Variants in PRKG1 observed in about 807,000 individuals in gnomAD.
PRKG1 encodes the protein cGMP-dependent protein kinase 1.
A neutral mutation model predicts 88.1 loss-of-function variants in PRKG1; 35 were observed. That is an observed-to-expected ratio of 0.40 (90% confidence interval 0.30 to 0.53). PRKG1 has a LOEUF of 0.53. Among genes scored for constraint, PRKG1 ranks in the 20% least tolerant of loss-of-function variants. The pLI is 0.59. For synonymous variants in PRKG1, 303 were observed against 292.5 expected, an observed-to-expected ratio of 1.04 and a Z score of -0.37; for missense variants, 540 against 839.8, an observed-to-expected ratio of 0.64 and a Z score of 4.41.
intron 3 of PRKG1, among the ~76,000 whole-genome samples, chr10:51,508,320 T>C (rs1841288318): frequency 6.6e-6 from 1 of 152,186 alleles, no homozygotes; most frequent in African/African-American, 2.4e-5. Flanking sequence ...AATATACGCA[T>C]GGTCTGCCTT....
chr10:51,237,360 T>C (rs1839024721), intron 2 of PRKG1, among the ~76,000 whole-genome samples: 1 of 152,202 alleles, frequency 6.6e-6, no homozygotes, highest in Non-Finnish European at 1.5e-5. Context: ...TAGGGACACA[T>C]GCTCCGGGAA....
At chr10:51,016,302 T>A (rs888635030) in intron 1 of PRKG1, among the ~76,000 whole-genome samples, 4 of 152,210 alleles carry the variant, frequency 2.6e-5, no homozygotes, top group African/African-American at 9.6e-5. Flanking sequence ...ACCTGAAAGT[T>A]TTAAAGCTTA....
intron 1 of PRKG1, among the ~76,000 whole-genome samples, chr10:51,020,383 G>A (rs764747234): frequency 1.3e-5 from 2 of 152,080 alleles, no homozygotes; most frequent in Non-Finnish European, 2.9e-5. Flanking sequence ...CTATAAACAT[G>A]TCAACACGTC....
At position 51,006,814 on chromosome 10, in the gene PRKG1, A is replaced by C. The variant is rs1474968757; in HGVS notation, c.266+15170A>C. Reference sequence around the variant, plus strand: ...TTAGCTGTGCTAAGACCACCTCTGCAGCTATCTACTCTCTGAGCTGAATAA... The same window carrying C: ...TTAGCTGTGCTAAGACCACCTCTGCCGCTATCTACTCTCTGAGCTGAATAA... On this transcript the variant is annotated intron_variant, in intron 1 of 17. Coordinates refer to the PRKG1 transcript ENST00000401604. Among the ~76,000 whole-genome samples, 4 of 152,134 alleles carry C rather than the reference A, an allele frequency of 2.6e-5. No homozygotes were observed. In the East Asian group the frequency reaches 7.7e-4, roughly 29 times the overall value.
chr10:52,014,051 C>T (rs1844970200), intron 5 of PRKG1, among the ~76,000 whole-genome samples: 1 of 151,928 alleles, frequency 6.6e-6, no homozygotes, highest in South Asian at 2.1e-4. Context: ...TGAAATAATG[C>T]ATTACTAAAC....
chr10:52,213,459 G>T (rs970802970), intron 9 of PRKG1, among the ~76,000 whole-genome samples: 2 of 152,186 alleles, frequency 1.3e-5, no homozygotes, highest in Non-Finnish European at 1.5e-5. Flanking sequence ...AAAAGTCTTG[G>T]TGACCAACAT....
At chr10:51,951,174 T>G (rs1843175191) in intron 5 of PRKG1, among the ~76,000 whole-genome samples, 1 of 152,210 alleles carries the variant, frequency 6.6e-6, no homozygotes, top group Non-Finnish European at 1.5e-5. Context: ...TTCAGGCTGT[T>G]TTTTTTGGCT....
At chr10:51,798,086 G>A (rs150051515) in intron 3 of PRKG1, among the ~76,000 whole-genome samples, 82 of 152,064 alleles carry the variant, frequency 5.4e-4, no homozygotes, top group African/African-American at 1.8e-3. Flanking sequence ...TTCAGCTATT[G>A]TAAATAATGC....
intron 2 of PRKG1, among the ~76,000 whole-genome samples, chr10:51,288,950 A>G (rs1447445285): frequency 1.3e-5 from 2 of 152,168 alleles, no homozygotes; most frequent in Admixed American, 1.3e-4. Flanking sequence ...AAAATTATAT[A>G]TTAATTAATA....
intron 7 of PRKG1, among the ~76,000 whole-genome samples, chr10:52,129,782 T>C (rs1306113593): frequency 2.6e-5 from 4 of 152,194 alleles, no homozygotes; most frequent in Non-Finnish European, 5.9e-5. Flanking sequence ...TGGAAACCCA[T>C]AACTCTATTA....
At chr10:51,389,033 CT>C (rs1837328182) in intron 2 of PRKG1, among the ~76,000 whole-genome samples, 1 of 152,122 alleles carries the variant, frequency 6.6e-6, no homozygotes, top group South Asian at 2.1e-4. Context: ...CTAGGTAATG[CT>C]TCAGGGATGC....
chr10:51,568,736 T>C (rs1385166033), intron 3 of PRKG1: 1 of 145,058 alleles, frequency 6.9e-6, no homozygotes, highest in Non-Finnish European at 1.5e-5. Context: ...ATAAGAATTC[T>C]AAAAGCATCA....
intron 2 of PRKG1, among the ~76,000 whole-genome samples, chr10:51,294,707 GATT>G (rs1840672621): frequency 6.6e-6 from 1 of 152,040 alleles, no homozygotes; most frequent in Non-Finnish European, 1.5e-5. Flanking sequence ...ATACTGTTTT[GATT>G]ATTATAGCTT....
At chr10:51,459,583 A>C (rs1162497503) in intron 2 of PRKG1, among the ~76,000 whole-genome samples, 1 of 152,134 alleles carries the variant, frequency 6.6e-6, no homozygotes, top group Non-Finnish European at 1.5e-5. Context: ...GTATTATCTA[A>C]TTCAGTTATC....
At chr10:51,697,555 G>T in intron 3 of PRKG1, 1 of 837,186 alleles carries the variant, frequency 1.2e-6, no homozygotes, top group Non-Finnish European at 1.8e-6. Flanking sequence ...CAGAAAGAAA[G>T]AAAAAGAACA....
At chr10:51,255,167 A>G (rs1839524451) in intron 2 of PRKG1, among the ~76,000 whole-genome samples, 1 of 152,132 alleles carries the variant, frequency 6.6e-6, no homozygotes, top group Non-Finnish European at 1.5e-5. Context: ...TTTTAAGAAT[A>G]TAAATAATTT....
Position 52,289,061 on chromosome 10 carries a change from A to G in PRKG1, c.1895+68A>G, listed in dbSNP as rs1842181977. 4 of 1,452,288 alleles carry G rather than the reference A, an allele frequency of 2.8e-6. No individual in the cohort carries two copies. The African/African-American group carries it at 4.3e-5, about 16-fold the overall frequency. The allele number at this position is 1,452,288 out of a possible 1,614,324, so 90.0% of individuals were successfully genotyped here. A position where few individuals can be genotyped will look rare whatever the true frequency, so the allele number is the denominator to read the frequency against. On this transcript the variant is annotated intron_variant, in intron 16 of 17. Transcript: ENST00000373980. ...TCCCCAGGGTGTTGCTTTTTAAGTTATTGGTGTAAAACTAGTATAATTAGC... is the reference window on the plus strand; with the variant it reads ...TCCCCAGGGTGTTGCTTTTTAAGTTGTTGGTGTAAAACTAGTATAATTAGC...
chr10:51,946,398 G>T (rs1269783376), intron 5 of PRKG1, among the ~76,000 whole-genome samples: 2 of 151,978 alleles, frequency 1.3e-5, no homozygotes, highest in Admixed American at 6.5e-5. Context: ...CTTTGCCTTT[G>T]GTTTGAATTT....
At chr10:52,134,721 G>A (rs773752945) in intron 8 of PRKG1, among the ~76,000 whole-genome samples, 11 of 152,074 alleles carry the variant, frequency 7.2e-5, no homozygotes, top group African/African-American at 1.2e-4. Flanking sequence ...TAACCACATA[G>A]AATGAACCTG....
Sources: gnomAD v4.1 joint callset for allele counts (sites outside exome capture counted in the v4.1 genomes callset) on GRCh38, gnomAD v4.1.1 for gene constraint, MANE v1.5 for transcripts, NCBI Gene and HGNC (gene_info 2026-07-23, HGNC 2026-07-21) for gene names.